Variants in TEX2 observed in about 807,000 individuals in gnomAD.
TEX2 encodes the protein testis-expressed protein 2.
Under a neutral mutation model 106.9 loss-of-function variants are expected in TEX2, and 53 were observed. That is an observed-to-expected ratio of 0.50 (90% CI 0.40 to 0.62). The LOEUF (loss-of-function observed/expected upper bound fraction) is 0.62, where lower values mean the gene tolerates loss of function less well. Ranked by LOEUF, TEX2 falls within the 20% of genes least tolerant of loss-of-function variation. The pLI, the probability that TEX2 is intolerant of heterozygous loss-of-function variation, is 0.00. For missense variants in TEX2, 1,207 were observed against 1,379.0 expected, an observed-to-expected ratio of 0.88 and a Z score of 1.98; for synonymous variants, 523 against 534.8, an observed-to-expected ratio of 0.98 and a Z score of 0.30.
chr17:64,204,663 A>C (rs560528019), intron 2 of TEX2, among the ~76,000 whole-genome samples: 1 of 152,334 alleles, frequency 6.6e-6, no homozygotes, highest in South Asian at 2.1e-4. Flanking sequence ...CCACAAAAAA[A>C]CACGCTCATG....
At chr17:64,244,939 C>G (rs2033959605) in intron 1 of TEX2, among the ~76,000 whole-genome samples, 1 of 152,144 alleles carries the variant, frequency 6.6e-6, no homozygotes, top group African/African-American at 2.4e-5. Flanking sequence ...CTCTGAAAAT[C>G]TCACTTTCAT....
rs2032026384 is a variant in TEX2, at chr17:64,185,108, A to G, written c.2424+3060T>C. Among the ~76,000 whole-genome samples the G allele has an allele frequency of 6.6e-6, 1 of 152,206 alleles. No individual in the cohort carries two copies. The highest frequency in any genetic ancestry group is 2.4e-5 in the African/African-American group (1 of 41,450). ...CTTCTGATAACACCAAACAGGTAAT[A>G]ATATCTTGTAATCCAGTTTATAGAT... On this transcript the variant is annotated intron_variant, in intron 5 of 11. Coordinates refer to ENST00000584379, the MANE Select transcript of TEX2 (RefSeq NM_001288732.2). The surrounding 1 kb of genome is among the most constrained non-coding windows in gnomAD (Gnocchi z 4.0).
chr17:64,197,857 C>A (rs1555629568), intron 2 of TEX2, among the ~76,000 whole-genome samples: 1 of 152,180 alleles, frequency 6.6e-6, no homozygotes, highest in Non-Finnish European at 1.5e-5. Context: ...AACTACCACA[C>A]CCATCCTCTA....
At chr17:64,222,518 CAA>C (rs11296538) in intron 1 of TEX2, among the ~76,000 whole-genome samples, 168 of 99,096 alleles carry the variant, frequency 1.7e-3, no homozygotes, top group Non-Finnish European at 2.1e-3. Flanking sequence ...TTCCAACTCA[CAA>C]AAAAAAAAAA....
intron 1 of TEX2, among the ~76,000 whole-genome samples, chr17:64,230,142 T>C (rs150279185): frequency 7.1e-4 from 108 of 152,264 alleles, no homozygotes; most frequent in Middle Eastern, 3.4e-3. Flanking sequence ...TGTATGTGCA[T>C]GTATGTGTGC....
intron 9 of TEX2, among the ~76,000 whole-genome samples, chr17:64,154,231 C>A (rs2030502291): frequency 6.6e-6 from 1 of 152,146 alleles, no homozygotes; most frequent in Admixed American, 6.5e-5. Context: ...TTGGTTTTTT[C>A]TTATAAAAGT....
chr17:64,194,767 T>C (rs2032409534), intron 3 of TEX2, 128 bp downstream of exon 3: 1 of 773,174 alleles, frequency 1.3e-6, no homozygotes, highest in South Asian at 1.7e-5. Flanking sequence ...TGAGAGGTAC[T>C]GTCCCCTAAG....
Position 64,170,622 on chromosome 17 carries a change from C to CTTT in TEX2, c.2671+475_2671+477dup, listed in dbSNP as rs71156002. Among the ~76,000 whole-genome samples, 505 of 73,710 alleles carry CTTT rather than the reference C, an allele frequency of 6.9e-3. 62 individuals carry two copies. The highest frequency in any genetic ancestry group is 0.018 in the African/African-American group (326 of 18,000). 48.4% of individuals were successfully genotyped at this position (73,710 alleles called of 152,430 possible). On this transcript the variant is annotated intron_variant, in intron 7 of 11. Coordinates refer to ENST00000584379, the MANE Select transcript of TEX2 (RefSeq NM_001288732.2). ...ATGGGAGCTTGGATCTATTCCAAAT[C>CTTT]TTTTTTTTTTTTTTTTTTTTTTTTT... is the stretch of plus-strand genomic sequence containing the variant.
intron 3 of TEX2, 47 bp downstream of exon 3, chr17:64,194,848 T>G (rs1349320525): frequency 1.9e-6 from 3 of 1,582,314 alleles, no homozygotes; most frequent in Non-Finnish European, 2.6e-6. Flanking sequence ...AGATGCCATA[T>G]GCTTTTCATT....
intron 7 of TEX2, among the ~76,000 whole-genome samples, chr17:64,169,036 TTTTCTTTC>T (rs1439220463): frequency 2.0e-5 from 3 of 151,752 alleles, no homozygotes; most frequent in Non-Finnish European, 4.4e-5. Flanking sequence ...AGCTCTGTTA[TTTTCTTTC>T]TTTCTTTTTT....
intron 2 of TEX2, among the ~76,000 whole-genome samples, chr17:64,199,674 C>T (rs1555629835): frequency 1.3e-5 from 2 of 152,222 alleles, no homozygotes; most frequent in Non-Finnish European, 2.9e-5. Context: ...AAAATTATTA[C>T]TGGTATTTTA....
chr17:64,219,416 G>A (rs2033283466), intron 1 of TEX2, among the ~76,000 whole-genome samples: 1 of 152,000 alleles, frequency 6.6e-6, no homozygotes, highest in African/African-American at 2.4e-5. Flanking sequence ...TGAGACACAA[G>A]AATCGCTTGA....
chr17:64,213,966 G>A lies in TEX2; in HGVS notation c.252C>T (p.Asp84=). The change falls in exon 2 of 12, where the codon GAC becomes GAT. Residue 84 remains aspartate, a synonymous_variant. Transcript: ENST00000584379. This position sits in a 1 kb window ranked among gnomAD's most constrained non-coding sequence, Gnocchi z 4.4. ...DLYLEPQVGH[D]PAGPAASPVL... ...CAGGCGAGGCAGCAGGGCCGGCGGG[G>A]TCATGGCCAACTTGGGGTTCAAGAT... The A allele has an allele frequency of 1.9e-6, 3 of 1,614,204 alleles. No individual in the cohort carries two copies. Among genetic ancestry groups the A allele is most frequent in the Non-Finnish European group, 2.5e-6 (3 of 1,180,030 alleles).
chr17:64,152,196 T>G (rs1240257693), intron 10 of TEX2, among the ~76,000 whole-genome samples: 1 of 152,236 alleles, frequency 6.6e-6, no homozygotes, highest in African/African-American at 2.4e-5. Flanking sequence ...AATCACTATT[T>G]ACACTTATGC....
chr17:64,196,928 C>A (rs555929036), intron 2 of TEX2, among the ~76,000 whole-genome samples: 3 of 147,492 alleles, frequency 2.0e-5, no homozygotes, highest in Admixed American at 6.9e-5. Context: ...TAGCTTTCAA[C>A]TGGCAACAGT....
chr17:64,209,068 C>A (rs782720661), intron 2 of TEX2, among the ~76,000 whole-genome samples: 1 of 152,146 alleles, frequency 6.6e-6, no homozygotes, highest in Non-Finnish European at 1.5e-5. Context: ...ATACCTAATA[C>A]GTGGCAGGTG....
chr17:64,241,502 T>G (rs1203241277), intron 1 of TEX2, among the ~76,000 whole-genome samples: 1 of 152,166 alleles, frequency 6.6e-6, no homozygotes, highest in African/African-American at 2.4e-5. Context: ...CAAAGATAAT[T>G]GTTACTCCTA....
chr17:64,228,421 G>A (rs1378286059), intron 1 of TEX2, among the ~76,000 whole-genome samples: 1 of 152,190 alleles, frequency 6.6e-6, no homozygotes, highest in African/African-American at 2.4e-5. Flanking sequence ...CCCTGAGCTT[G>A]TTTTCCTGCA....
chr17:64,245,657 T>G (rs1211841263), intron 1 of TEX2, among the ~76,000 whole-genome samples: 1 of 152,248 alleles, frequency 6.6e-6, no homozygotes, highest in Non-Finnish European at 1.5e-5. Flanking sequence ...TGTTTTCTTT[T>G]TAATACGATG....
Sources: allele counts gnomAD v4.1 joint callset (sites outside exome capture counted in the v4.1 genomes callset), GRCh38; gene constraint gnomAD v4.1.1; non-coding constraint Gnocchi (gnomAD v3.1); transcripts MANE v1.5; gene names NCBI Gene and HGNC (gene_info 2026-07-23, HGNC 2026-07-21).